RBM47: variants seen among roughly 807,000 people sequenced by gnomAD.
The protein encoded by RBM47 is RNA binding motif protein 47.
Under a neutral mutation model 47.1 loss-of-function variants are expected in RBM47, and 21 were observed. The observed-to-expected ratio is 0.45, with a 90% CI of 0.32 to 0.64. RBM47 has a LOEUF of 0.64. Ranked by LOEUF, RBM47 falls within the 30% of genes least tolerant of loss-of-function variation. The pLI is 0.05. For missense variants in RBM47, 708 were observed against 870.9 expected (o/e 0.81, Z 2.35); for synonymous variants, 375 against 361.7 (o/e 1.04, Z -0.42).
At position 40,601,832 on chromosome 4, in the gene RBM47, T is replaced by G. The variant is rs115831242; in HGVS notation, c.-240+27564A>C. Among the ~76,000 whole-genome samples, 202 of 152,326 alleles carry G rather than the reference T, an allele frequency of 1.3e-3. 2 individuals are homozygous for G. Among genetic ancestry groups the G allele is most frequent in the African/African-American group, 4.6e-3 (193 of 41,564 alleles). On this transcript the variant is annotated intron_variant, in intron 1 of 6. Transcript: ENST00000295971. ...AGAACAGGCCTTAAAGGAAATTGTTTCAGTTCAGCCACTTACTAGCCCTTC... is the reference window on the plus strand; with the variant it reads ...AGAACAGGCCTTAAAGGAAATTGTTGCAGTTCAGCCACTTACTAGCCCTTC...
intron 1 of RBM47, among the ~76,000 whole-genome samples, chr4:40,576,698 G>A (rs188118046): frequency 6.6e-6 from 1 of 152,258 alleles, no homozygotes; most frequent in Admixed American, 6.5e-5. Flanking sequence ...GAGCCCCTCA[G>A]GGTGCTGGGA....
chr4:40,481,483 A>ATTT (rs1412099677), intron 2 of RBM47, among the ~76,000 whole-genome samples: 1,432 of 106,312 alleles, frequency 0.013, 25 homozygotes, highest in African/African-American at 0.048. Flanking sequence ...TATTATTATT[A>ATTT]TTATTTTTAT....
intron 2 of RBM47, among the ~76,000 whole-genome samples, chr4:40,516,501 C>T (rs1725598575): frequency 6.6e-6 from 1 of 151,982 alleles, no homozygotes; most frequent in Non-Finnish European, 1.5e-5. Flanking sequence ...TTCAGGTGAT[C>T]CGCCCGCCTT....
In RBM47 at chr4:40,429,688, CAAAAAAAAAAAAAAA is replaced by C. The variant is rs60673202; in HGVS notation, c.1542+2948_1542+2962del. On this transcript the variant is annotated intron_variant, in intron 6 of 6. Coordinates refer to ENST00000295971, the MANE Select transcript of RBM47 (RefSeq NM_001098634.2). ...TGGGTGACAAAGTGAGACTCCATCTCAAAAAAAAAAAAAAAAAAAAAAAAAAAAAGTGCCTCTAAT... is the reference window on the plus strand; with the variant it reads ...TGGGTGACAAAGTGAGACTCCATCTCAAAAAAAAAAAAAAGTGCCTCTAAT... 1.3e-4 allele frequency among the ~76,000 whole-genome samples: 5 copies of C among 38,102 alleles called. 1 individual carries two copies. The highest frequency in any genetic ancestry group is 1.0e-3 in the East Asian group (1 of 1,000). 25.0% of individuals were successfully genotyped at this position (38,102 alleles called of 152,430 possible).
chr4:40,504,138 A>G (rs1723768314), intron 2 of RBM47, among the ~76,000 whole-genome samples: 1 of 152,196 alleles, frequency 6.6e-6, no homozygotes, highest in Non-Finnish European at 1.5e-5. Flanking sequence ...CAGTATTAGT[A>G]GGGATACTGA....
chr4:40,493,231 T>C (rs1346651892), intron 2 of RBM47, among the ~76,000 whole-genome samples: 2 of 152,100 alleles, frequency 1.3e-5, no homozygotes, highest in Non-Finnish European at 2.9e-5. Context: ...AGACTGTCAT[T>C]GAAAAACTCA....
intron 2 of RBM47, among the ~76,000 whole-genome samples, chr4:40,527,598 T>G (rs1726875054): frequency 6.6e-6 from 1 of 151,508 alleles, no homozygotes; most frequent in Middle Eastern, 3.4e-3. Context: ...GACTAACTTT[T>G]GTATTTTTAG....
At position 40,599,917 on chromosome 4, in the gene RBM47, G is replaced by A. The variant is rs192406596; in HGVS notation, c.-240+29479C>T. ...GTTTGTTGTACATCAAGAGATAACT[G>A]AGCCCTTGGCATCATTCTAGAAACT... On this transcript the variant is annotated intron_variant, in intron 1 of 6. Coordinates refer to ENST00000295971, the MANE Select transcript of RBM47 (RefSeq NM_001098634.2). Among the ~76,000 whole-genome samples the A allele has an allele frequency of 1.9e-3, 287 of 152,204 alleles. 1 individual carries two copies. Among genetic ancestry groups the A allele is most frequent in the African/African-American group, 6.7e-3 (279 of 41,528 alleles).
At chr4:40,600,393 G>A (rs554425497) in intron 1 of RBM47, among the ~76,000 whole-genome samples, 183 of 151,810 alleles carry the variant, frequency 1.2e-3, no homozygotes, top group African/African-American at 4.4e-3. Context: ...CCAGCACTTT[G>A]GGAGGCCAAG....
Position 40,432,846 on chromosome 4 carries a change from A to G in RBM47, c.1347T>C (p.Ile449=), listed in dbSNP as rs34196855. The change falls in exon 6 of 7, where the codon ATT becomes ATC. Residue 449 remains isoleucine (I), a synonymous_variant. Transcript: ENST00000295971. ...CTGGAAACATGGAATACTGAGCCCC[A>G]ATGGCAGGGATGGCTACTGCAAGAG... The part of the protein sequence containing the change: ...IKPGTVAIPA[I]GAQYSMFPAA... 9,110 of 1,613,142 alleles carry G rather than the reference A, an allele frequency of 5.6e-3. 464 individuals carry two copies. In the African/African-American group the frequency reaches 0.11, roughly 19 times the overall value.
chr4:40,456,948 T>C (rs1007085999), intron 3 of RBM47, among the ~76,000 whole-genome samples: 4 of 152,110 alleles, frequency 2.6e-5, no homozygotes, highest in Non-Finnish European at 5.9e-5. Flanking sequence ...ATCATGTGCT[T>C]ACTTCAAAAT....
intron 1 of RBM47, among the ~76,000 whole-genome samples, chr4:40,579,221 G>C: frequency 6.6e-6 from 1 of 151,572 alleles, no homozygotes; most frequent in Non-Finnish European, 1.5e-5. Flanking sequence ...AGGAGACTGA[G>C]ACCATCCTGG....
intron 2 of RBM47, among the ~76,000 whole-genome samples, chr4:40,510,276 T>C (rs1724754151): frequency 1.3e-5 from 2 of 151,620 alleles, no homozygotes; most frequent in Admixed American, 1.3e-4. Context: ...TGCTTCTGGA[T>C]TGGATGGCAG....
chr4:40,573,448 T>C (rs1731932661), intron 1 of RBM47, among the ~76,000 whole-genome samples: 4 of 150,434 alleles, frequency 2.7e-5, no homozygotes. Flanking sequence ...AATTTTGAGT[T>C]TGAGGGTAAC....
At chr4:40,598,156 G>T (rs569209480) in intron 1 of RBM47, among the ~76,000 whole-genome samples, 46 of 152,288 alleles carry the variant, frequency 3.0e-4, no homozygotes, top group African/African-American at 8.2e-4. Context: ...ATATACAGAG[G>T]ACTGACCACT....
At chr4:40,543,983 G>A (rs1728786328) in intron 2 of RBM47, 1 of 151,762 alleles carries the variant, frequency 6.6e-6, no homozygotes, top group African/African-American at 2.4e-5. Flanking sequence ...CTGGTCATTT[G>A]GGGATTATCA....
chr4:40,474,019 T>G (rs1018482933), intron 2 of RBM47, among the ~76,000 whole-genome samples: 18 of 152,204 alleles, frequency 1.2e-4, no homozygotes, highest in African/African-American at 4.3e-4. Flanking sequence ...TTTTATAATA[T>G]GCACCTTGTA....
intron 2 of RBM47, among the ~76,000 whole-genome samples, chr4:40,536,967 G>T (rs1728050674): frequency 6.6e-6 from 1 of 151,948 alleles, no homozygotes; most frequent in Non-Finnish European, 1.5e-5. Flanking sequence ...GATCTCAAAT[G>T]ATCTGCGCCC....
At chr4:40,557,577 C>T (rs1184361430) in intron 1 of RBM47, among the ~76,000 whole-genome samples, 1 of 151,956 alleles carries the variant, frequency 6.6e-6, no homozygotes, top group Admixed American at 6.6e-5. Flanking sequence ...GGTGAAACTC[C>T]GTCTCTACCA....
Sources: gnomAD v4.1 joint callset for allele counts (sites outside exome capture counted in the v4.1 genomes callset) on GRCh38, gnomAD v4.1.1 for gene constraint, MANE v1.5 for transcripts, NCBI Gene and HGNC (gene_info 2026-07-23, HGNC 2026-07-21) for gene names.